Variants in PAX5 observed in about 807,000 individuals in gnomAD.
PAX5 encodes paired box 5.
PAX5 carries 9 observed loss-of-function variants against 43.7 expected under a neutral mutation model. The ratio of observed to expected loss-of-function variants is 0.21; its 90% CI spans 0.12 to 0.36. PAX5 has a LOEUF of 0.36. Ranked by LOEUF, PAX5 falls within the 10% of genes least tolerant of loss-of-function variation. The pLI, the probability that PAX5 is intolerant of heterozygous loss-of-function variation, is 1.00. For missense variants in PAX5, 383 were observed against 532.7 expected, an observed-to-expected ratio of 0.72 and a Z score of 2.77; for synonymous variants, 228 against 214.3, an observed-to-expected ratio of 1.06 and a Z score of -0.56.
Position 37,001,810 on chromosome 9 carries a change from C to CTTTTT in PAX5, c.604+833_604+837dup, listed in dbSNP as rs3073720. On this transcript the variant is annotated intron_variant, in intron 5 of 9. Coordinates refer to ENST00000358127, the MANE Select transcript of PAX5 (RefSeq NM_016734.3). ...CTCAGGCCCTAGACCACAGCTCTGG[C>CTTTTT]TTTTTTTTTTTTTTTTTTTTTTTTC... is the stretch of plus-strand genomic sequence containing the variant. Among the ~76,000 whole-genome samples, 145 of 87,952 alleles carry CTTTTT rather than the reference C, an allele frequency of 1.6e-3. 3 individuals are homozygous for CTTTTT. The highest frequency in any genetic ancestry group is 7.6e-3 in the East Asian group (19 of 2,506). 57.7% of individuals were successfully genotyped at this position (87,952 alleles called of 152,430 possible). A position where few individuals can be genotyped will look rare whatever the true frequency, so the allele number is the denominator to read the frequency against.
chr9:36,964,526 A>G (rs962003954), intron 6 of PAX5, among the ~76,000 whole-genome samples: 2 of 148,550 alleles, frequency 1.3e-5, no homozygotes, highest in Admixed American at 1.4e-4. Context: ...TAGGAGGTGG[A>G]GGTTGCAGTG....
chr9:36,986,285 G>C (rs1373900493), intron 5 of PAX5, among the ~76,000 whole-genome samples: 1 of 148,860 alleles, frequency 6.7e-6, no homozygotes, highest in African/African-American at 2.4e-5. Context: ...GGCAATCAGC[G>C]GGCCGAGCCA....
intron 8 of PAX5, among the ~76,000 whole-genome samples, chr9:36,865,723 T>C (rs1349143938): frequency 2.0e-5 from 3 of 152,262 alleles, no homozygotes; most frequent in African/African-American, 4.8e-5. Flanking sequence ...CCAGTATTTA[T>C]AATTGTCCAC....
intron 7 of PAX5, among the ~76,000 whole-genome samples, chr9:36,920,803 C>CT (rs58220286): frequency 0.055 from 5,024 of 91,134 alleles, 669 homozygotes; most frequent in Non-Finnish European, 0.081. Context: ...ATAGACATAG[C>CT]TTTTTTTTTT....
chr9:36,936,736 G>A (rs77771182), intron 6 of PAX5, among the ~76,000 whole-genome samples: 2,316 of 152,170 alleles, frequency 0.015, 28 homozygotes, highest in Admixed American at 0.023. Context: ...AGATCAATAG[G>A]GTGGCAGGGT....
At chr9:36,945,735 G>C (rs117572969) in intron 6 of PAX5, among the ~76,000 whole-genome samples, 1 of 152,352 alleles carries the variant, frequency 6.6e-6, no homozygotes, top group East Asian at 1.9e-4. Context: ...CTTTGAATGA[G>C]ATAGAGAAGC....
chr9:36,845,215 G>A lies in PAX5; in HGVS notation c.1099+1628C>T, dbSNP rs1252047436. Among the ~76,000 whole-genome samples the A allele has an allele frequency of 2.0e-5, 3 of 152,142 alleles. 1 individual carries two copies. The highest frequency in any genetic ancestry group is 4.4e-5 in the Non-Finnish European group (3 of 68,030). On this transcript the variant is annotated intron_variant, in intron 9 of 9. Transcript: ENST00000358127. Reference sequence around the variant, plus strand: ...CCATATCCCCTGGGGTCTCCCAGCAGGACTGGGATCAGGCCTCTGCCTGAG... The same window carrying A: ...CCATATCCCCTGGGGTCTCCCAGCAAGACTGGGATCAGGCCTCTGCCTGAG...
intron 4 of PAX5, among the ~76,000 whole-genome samples, chr9:37,003,169 A>AACAAAAAC (rs1315144380): frequency 6.7e-6 from 1 of 149,356 alleles, no homozygotes; most frequent in East Asian, 2.1e-4. Context: ...AAAAAAAAAA[A>AACAAAAAC]AAAAAAAAAA....
In PAX5 at chr9:36,836,159, A is replaced by G. The variant is rs985400239; in HGVS notation, c.*4401T>C. On this transcript the variant is annotated 3_prime_UTR_variant, in exon 10 of 10. Coordinates refer to ENST00000358127, the MANE Select transcript of PAX5 (RefSeq NM_016734.3). ...GGCCACATCTGAGTCTCTTCCCTGC[A>G]CATGTGAAAGGTGCCCAAGCAGCAC... The G allele has an allele frequency of 2.6e-5, 6 of 233,344 alleles. No individual in the cohort carries two copies. Among genetic ancestry groups the G allele is most frequent in the Non-Finnish European group, 5.1e-5 (6 of 118,230 alleles). 14.5% of individuals were successfully genotyped at this position (233,344 alleles called of 1,614,324 possible).
chr9:36,967,792 T>C (rs998207246), intron 5 of PAX5, among the ~76,000 whole-genome samples: 10 of 152,178 alleles, frequency 6.6e-5, no homozygotes, highest in Non-Finnish European at 5.9e-5. Flanking sequence ...GTTTCAGAAG[T>C]TTGAATGTAC....
intron 5 of PAX5, among the ~76,000 whole-genome samples, chr9:36,981,695 G>A (rs892579521): frequency 1.3e-5 from 2 of 152,258 alleles, no homozygotes; most frequent in Non-Finnish European, 2.9e-5. Flanking sequence ...TGACACCCCA[G>A]GGAAGAGGCT....
At chr9:36,984,435 CTT>C (rs10663927) in intron 5 of PAX5, among the ~76,000 whole-genome samples, 84 of 66,872 alleles carry the variant, frequency 1.3e-3, no homozygotes, top group African/African-American at 5.1e-3. Flanking sequence ...TTGAACCTCT[CTT>C]TTTTTTTTTT....
At chr9:37,010,419 C>T (rs1329462081) in intron 3 of PAX5, among the ~76,000 whole-genome samples, 1 of 152,230 alleles carries the variant, frequency 6.6e-6, no homozygotes, top group Non-Finnish European at 1.5e-5. Context: ...TGCCCCAGCA[C>T]TTTACTTTAA....
chr9:37,017,683 C>T (rs1839500090), intron 2 of PAX5, among the ~76,000 whole-genome samples: 1 of 152,222 alleles, frequency 6.6e-6, no homozygotes, highest in Admixed American at 6.5e-5. Flanking sequence ...GAAGGTCCCC[C>T]CCAGCCTGGC....
chr9:36,924,282 C>T (rs1263143822), intron 6 of PAX5, among the ~76,000 whole-genome samples: 2 of 152,208 alleles, frequency 1.3e-5, no homozygotes, highest in African/African-American at 4.8e-5. Flanking sequence ...ATTTCCTTGT[C>T]ATCCAAGCCA....
At chr9:37,027,909 G>T (rs1052235239) in intron 1 of PAX5, among the ~76,000 whole-genome samples, 1 of 152,244 alleles carries the variant, frequency 6.6e-6, no homozygotes, top group Non-Finnish European at 1.5e-5. Context: ...AGGCGGCGGC[G>T]CCACGTTCAT....
At chr9:36,991,317 C>T (rs932097549) in intron 5 of PAX5, among the ~76,000 whole-genome samples, 1 of 152,136 alleles carries the variant, frequency 6.6e-6, no homozygotes, top group South Asian at 2.1e-4. Flanking sequence ...CTAACTCCAG[C>T]TCTAGTGCTC....
At chr9:36,907,030 G>A (rs1486931260) in intron 7 of PAX5, among the ~76,000 whole-genome samples, 8 of 152,116 alleles carry the variant, frequency 5.3e-5, no homozygotes, top group Non-Finnish European at 8.8e-5. Flanking sequence ...CCCAGTGGGC[G>A]CCAGCCTCTC....
chr9:36,947,762 C>A (rs903260887), intron 6 of PAX5, among the ~76,000 whole-genome samples: 3 of 151,922 alleles, frequency 2.0e-5, no homozygotes, highest in Admixed American at 6.6e-5. Flanking sequence ...CACCCCCACC[C>A]CCAGCACACC....
Sources: gnomAD v4.1 joint callset for allele counts (sites outside exome capture counted in the v4.1 genomes callset) on GRCh38, gnomAD v4.1.1 for gene constraint, MANE v1.5 for transcripts, NCBI Gene and HGNC (gene_info 2026-07-23, HGNC 2026-07-21) for gene names.